Variants in SCAI observed in about 807,000 individuals in gnomAD.
SCAI encodes protein SCAI.
Under a neutral mutation model 92.2 loss-of-function variants are expected in SCAI, and 24 were observed. That is an observed-to-expected ratio of 0.26 (90% CI 0.19 to 0.37). SCAI has a LOEUF of 0.37. SCAI is among the 10% of genes least tolerant of loss of function. The pLI is 1.00. For synonymous variants in SCAI, 261 were observed against 258.6 expected (o/e 1.01, Z -0.09); for missense variants, 450 against 736.2 (o/e 0.61, Z 4.50).
intron 6 of SCAI, among the ~76,000 whole-genome samples, chr9:125,023,507 C>T (rs948962565): frequency 1.3e-5 from 2 of 152,142 alleles, no homozygotes; most frequent in African/African-American, 2.4e-5. Context: ...AATTCTGTTA[C>T]TTTTTTGATT....
chr9:125,119,208 ATCATTGAAGTC>A (rs1835110007), intron 2 of SCAI, among the ~76,000 whole-genome samples: 1 of 152,216 alleles, frequency 6.6e-6, no homozygotes, highest in African/African-American at 2.4e-5. Context: ...GGCAGGTAAT[ATCATTGAAGTC>A]TCAAAGCAAA....
chr9:125,111,574 T>C (rs530560585), intron 2 of SCAI, among the ~76,000 whole-genome samples: 2 of 150,128 alleles, frequency 1.3e-5, no homozygotes, highest in South Asian at 4.2e-4. Context: ...TTTTTTTTTT[T>C]AGTCCATCAG....
At chr9:125,014,986 A>T (rs949982435) in intron 9 of SCAI, among the ~76,000 whole-genome samples, 41 of 152,176 alleles carry the variant, frequency 2.7e-4, no homozygotes, top group Non-Finnish European at 5.3e-4. Context: ...CATATGTAGA[A>T]AGCTGAAACT....
chr9:125,000,256 A>T (rs1402467104), intron 12 of SCAI, among the ~76,000 whole-genome samples: 1 of 152,232 alleles, frequency 6.6e-6, no homozygotes, highest in Non-Finnish European at 1.5e-5. Context: ...ACTCTATGGC[A>T]TCATTATTCT....
At chr9:125,081,507 G>A (rs1391541028) in intron 2 of SCAI, among the ~76,000 whole-genome samples, 1 of 152,198 alleles carries the variant, frequency 6.6e-6, no homozygotes, top group Non-Finnish European at 1.5e-5. Context: ...TAGGGTACTG[G>A]TGGAAGAAAT....
intron 3 of SCAI, among the ~76,000 whole-genome samples, chr9:125,046,262 T>C (rs1166019403): frequency 1.0e-4 from 12 of 116,988 alleles, no homozygotes; most frequent in Admixed American, 6.8e-4. Context: ...TACACATATA[T>C]ACACACACAC....
rs896355866 is a variant in SCAI, at chr9:124,946,535, C to T, written c.*6272G>A. On this transcript the variant is annotated 3_prime_UTR_variant, in exon 18 of 18. Transcript: ENST00000336505. The surrounding 1 kb of genome is among the most constrained non-coding windows in gnomAD (Gnocchi z 4.0). ...AAAAATAACCTCTACTTAATTTCTG[C>T]AGTGAATGTATTTAAGTGTATATTA... is the stretch of plus-strand genomic sequence containing the variant. 2 of 152,112 alleles carry T rather than the reference C, an allele frequency of 1.3e-5. No homozygotes were observed. The highest frequency in any genetic ancestry group is 4.8e-5 in the African/African-American group (2 of 41,424). The allele number at this position is 152,112 out of a possible 1,614,324, so 9.4% of individuals were successfully genotyped here.
Position 124,997,801 on chromosome 9 carries a change from G to A in SCAI, c.1244+2090C>T, listed in dbSNP as rs192175169. On this transcript the variant is annotated intron_variant, in intron 13 of 17. Coordinates refer to ENST00000336505, the MANE Select transcript of SCAI (RefSeq NM_001144877.3). ...TGAGGCAGGAGAATCGCTTGAACCCGGAAGGCAGAGGTTGCAGTGAGCCAA... is the reference window on the plus strand; with the variant it reads ...TGAGGCAGGAGAATCGCTTGAACCCAGAAGGCAGAGGTTGCAGTGAGCCAA... Among the ~76,000 whole-genome samples the A allele has an allele frequency of 2.0e-4, 30 of 150,884 alleles. No homozygotes were observed. The South Asian group carries it at 3.6e-3, about 18-fold the overall frequency.
chr9:125,021,151 G>A (rs1191118803), intron 6 of SCAI, among the ~76,000 whole-genome samples: 1 of 152,176 alleles, frequency 6.6e-6, no homozygotes, highest in Non-Finnish European at 1.5e-5. Context: ...AATAAAGAAT[G>A]CTATTTGTGC....
In SCAI at chr9:124,952,027, T is replaced by G. The variant is rs1217611490; in HGVS notation, c.*780A>C. On this transcript the variant is annotated 3_prime_UTR_variant, in exon 18 of 18. Transcript: ENST00000336505. ...AAATGTGATCTCATAAACCAAGAGT[T>G]TAAATAGAATTCCTATTGGAGACAT... 1.3e-5 allele frequency: 2 copies of G among 152,190 alleles called. No individual in the cohort carries two copies. The highest frequency in any genetic ancestry group is 2.9e-5 in the Non-Finnish European group (2 of 68,032). The allele number at this position is 152,190 out of a possible 1,614,324, so 9.4% of individuals were successfully genotyped here.
At chr9:124,974,485 T>A (rs1831719156) in intron 15 of SCAI, among the ~76,000 whole-genome samples, 1 of 151,066 alleles carries the variant, frequency 6.6e-6, no homozygotes, top group Non-Finnish European at 1.5e-5. Context: ...ATGAAGTAAC[T>A]CTTGGCTAAT....
At chr9:124,988,191 C>T (rs928677240) in intron 14 of SCAI, among the ~76,000 whole-genome samples, 1 of 151,880 alleles carries the variant, frequency 6.6e-6, no homozygotes, top group Non-Finnish European at 1.5e-5. Context: ...TGAAGGAAGA[C>T]CTAAAGATAC....
rs531456390 is a variant in SCAI, at chr9:125,085,512, A to G, written c.99-29505T>C. Among the ~76,000 whole-genome samples the G allele has an allele frequency of 2.0e-5, 3 of 151,466 alleles. No homozygotes were observed. The South Asian group carries it at 6.3e-4, about 32-fold the overall frequency. On this transcript the variant is annotated intron_variant, in intron 2 of 17. Coordinates refer to ENST00000336505, the MANE Select transcript of SCAI (RefSeq NM_001144877.3). Reference sequence around the variant, plus strand: ...CAAAAAAGAAAAAAAATCAAATAACATATCAGGCTTCTACATTAAAAAAAT... The same window carrying G: ...CAAAAAAGAAAAAAAATCAAATAACGTATCAGGCTTCTACATTAAAAAAAT...
chr9:125,118,939 C>T (rs1013432994), intron 2 of SCAI, among the ~76,000 whole-genome samples: 1 of 152,164 alleles, frequency 6.6e-6, no homozygotes, highest in Non-Finnish European at 1.5e-5. Flanking sequence ...TTTTCTTTAT[C>T]CAGTCTATCA....
intron 2 of SCAI, among the ~76,000 whole-genome samples, chr9:125,108,720 C>T (rs1834868348): frequency 1.3e-5 from 2 of 151,674 alleles, no homozygotes; most frequent in Non-Finnish European, 2.9e-5. Flanking sequence ...GCCCGGCAGC[C>T]GCCCCGTCCA....
intron 13 of SCAI, among the ~76,000 whole-genome samples, chr9:124,996,214 C>T (rs1054036874): frequency 5.3e-3 from 5 of 948 alleles, no homozygotes; most frequent in South Asian, 0.045. Flanking sequence ...GGCGGTGGGG[C>T]GGGGGTGGGG....
intron 2 of SCAI, among the ~76,000 whole-genome samples, chr9:125,126,422 T>TGTGA (rs1554794249): frequency 2.0e-4 from 28 of 142,998 alleles, no homozygotes; most frequent in African/African-American, 5.7e-4. Context: ...TGTGTGTGTG[T>TGTGA]GAGAGAGAGA....
chr9:125,010,801 C>T (rs1007008324), intron 9 of SCAI, among the ~76,000 whole-genome samples: 5 of 152,206 alleles, frequency 3.3e-5, no homozygotes, highest in Non-Finnish European at 7.3e-5. Flanking sequence ...GGCAGACTGA[C>T]ACCTCACATG....
chr9:124,958,350 T>C (rs1354281650), intron 17 of SCAI, among the ~76,000 whole-genome samples: 1 of 152,210 alleles, frequency 6.6e-6, no homozygotes, highest in African/African-American at 2.4e-5. Context: ...AAGGCAGTAG[T>C]GTATTTGAGA....
Sources: allele counts gnomAD v4.1 joint callset (sites outside exome capture counted in the v4.1 genomes callset), GRCh38; gene constraint gnomAD v4.1.1; non-coding constraint Gnocchi (gnomAD v3.1); transcripts MANE v1.5; gene names NCBI Gene and HGNC (gene_info 2026-07-23, HGNC 2026-07-21).